KCNIP4: variants seen among roughly 807,000 people sequenced by gnomAD.
KCNIP4 encodes the protein potassium voltage-gated channel interacting protein 4.
KCNIP4 carries 12 observed loss-of-function variants against 34.0 expected under a neutral mutation model. The ratio of observed to expected loss-of-function variants is 0.35; its 90% CI spans 0.23 to 0.57. The LOEUF (loss-of-function observed/expected upper bound fraction) is 0.57. Among genes scored for constraint, KCNIP4 ranks in the 20% least tolerant of loss-of-function variants. The pLI is 0.83. For synonymous variants in KCNIP4, 124 were observed against 102.2 expected (o/e 1.21, Z -1.29); for missense variants, 238 against 311.7 (o/e 0.76, Z 1.78).
chr4:21,644,715 T>C (rs1045926818), intron 1 of KCNIP4, among the ~76,000 whole-genome samples: 1 of 152,194 alleles, frequency 6.6e-6, no homozygotes, highest in Non-Finnish European at 1.5e-5. Flanking sequence ...TAGTAATTTA[T>C]TTATACCTTA....
intron 3 of KCNIP4, among the ~76,000 whole-genome samples, chr4:20,796,687 A>G (rs61538557): frequency 0.082 from 12,512 of 151,914 alleles, 603 homozygotes; most frequent in East Asian, 0.21. Flanking sequence ...TAAACAAAAA[A>G]GATGGAAATA....
At chr4:20,956,624 A>G (rs1440162649) in intron 1 of KCNIP4, among the ~76,000 whole-genome samples, 1 of 152,256 alleles carries the variant, frequency 6.6e-6, no homozygotes, top group African/African-American at 2.4e-5. Flanking sequence ...ATAAAACAAT[A>G]GATTAAAAAT....
chr4:21,819,138 G>A (rs956132944), intron 1 of KCNIP4, among the ~76,000 whole-genome samples: 3 of 152,124 alleles, frequency 2.0e-5, no homozygotes, highest in African/African-American at 7.2e-5. Context: ...TATTTTCTTT[G>A]CACTGATATT....
intron 1 of KCNIP4, among the ~76,000 whole-genome samples, chr4:21,533,049 C>A (rs1208563216): frequency 6.6e-6 from 1 of 151,346 alleles, no homozygotes; most frequent in Non-Finnish European, 1.5e-5. Context: ...CACCTGCCAG[C>A]CAGAACCAAC....
chr4:21,011,483 A>T (rs116050255), intron 1 of KCNIP4, among the ~76,000 whole-genome samples: 1 of 152,228 alleles, frequency 6.6e-6, no homozygotes, highest in East Asian at 1.9e-4. Context: ...TTGGAAAAAT[A>T]GCATTTCAAC....
Position 21,027,365 on chromosome 4 carries a change from G to C in KCNIP4, c.62-144656C>G, listed in dbSNP as rs1740644941. 3.3e-5 allele frequency among the ~76,000 whole-genome samples: 5 copies of C among 152,092 alleles called. No homozygotes were observed. In the South Asian group the frequency reaches 1.0e-3, roughly 32 times the overall value. ...AAGTCTTAAATACTTACTCTCTTGG[G>C]CTTTAAGAAAAACTTCGTCACCCCT... is the stretch of plus-strand genomic sequence containing the variant. On this transcript the variant is annotated intron_variant, in intron 1 of 8. Transcript: ENST00000382152.
At chr4:21,403,900 C>A (rs962407048) in intron 1 of KCNIP4, among the ~76,000 whole-genome samples, 1 of 152,154 alleles carries the variant, frequency 6.6e-6, no homozygotes, top group South Asian at 2.1e-4. Flanking sequence ...GAGCACTAAT[C>A]CCATCCATGA....
At position 21,586,472 on chromosome 4, in the gene KCNIP4, G is replaced by T. The variant is rs561966799; in HGVS notation, c.61+362099C>A. Among the ~76,000 whole-genome samples the T allele has an allele frequency of 1.8e-3, 279 of 152,110 alleles. 2 individuals carry two copies. Among genetic ancestry groups the T allele is most frequent in the African/African-American group, 6.3e-3 (263 of 41,522 alleles). ...TTGGGTGAATGTGGAGGGGATGGGTGTTAGGCGTGTGGGAGCAGCAGTGAG... is the reference window on the plus strand; with the variant it reads ...TTGGGTGAATGTGGAGGGGATGGGTTTTAGGCGTGTGGGAGCAGCAGTGAG... On this transcript the variant is annotated intron_variant, in intron 1 of 8. Transcript: ENST00000382152.
At chr4:21,836,913 A>ATTTT (rs1560750990) in intron 1 of KCNIP4, among the ~76,000 whole-genome samples, 200 of 60,316 alleles carry the variant, frequency 3.3e-3, no homozygotes, top group Middle Eastern at 0.031. Flanking sequence ...AGCTGGGATA[A>ATTTT]ATTTTTTTTT....
intron 3 of KCNIP4, among the ~76,000 whole-genome samples, chr4:20,805,201 T>A (rs916829701): frequency 6.8e-6 from 1 of 146,244 alleles, no homozygotes; most frequent in Non-Finnish European, 1.5e-5. Context: ...TTTTTTTTTT[T>A]TTTTTTTTTT....
chr4:20,927,769 T>C (rs760747369), intron 1 of KCNIP4, among the ~76,000 whole-genome samples: 1 of 152,212 alleles, frequency 6.6e-6, no homozygotes, highest in Non-Finnish European at 1.5e-5. Flanking sequence ...CATAATGTCC[T>C]TATACCATTT....
At chr4:21,813,780 G>A (rs955949164) in intron 1 of KCNIP4, among the ~76,000 whole-genome samples, 4 of 152,140 alleles carry the variant, frequency 2.6e-5, no homozygotes. Context: ...GAGATAGGAA[G>A]TCTCCCCTTT....
intron 1 of KCNIP4, among the ~76,000 whole-genome samples, chr4:21,134,458 A>G (rs867128188): frequency 6.6e-6 from 1 of 152,228 alleles, no homozygotes; most frequent in Non-Finnish European, 1.5e-5. Flanking sequence ...TGTCATTACT[A>G]GTTACGTTTT....
intron 6 of KCNIP4, among the ~76,000 whole-genome samples, chr4:20,733,734 G>T (rs1159414013): frequency 6.6e-6 from 1 of 152,098 alleles, no homozygotes; most frequent in Non-Finnish European, 1.5e-5. Flanking sequence ...CACTATTTAG[G>T]ATATGCTCCA....
chr4:20,755,597 A>G (rs28714128), intron 4 of KCNIP4, among the ~76,000 whole-genome samples: 51,822 of 151,982 alleles, frequency 0.34, 9,303 homozygotes, highest in African/African-American at 0.45. Context: ...AGAAACAACA[A>G]TGGTACAAGT....
At chr4:21,094,203 A>C (rs1312068472) in intron 1 of KCNIP4, among the ~76,000 whole-genome samples, 1 of 152,230 alleles carries the variant, frequency 6.6e-6, no homozygotes, top group Non-Finnish European at 1.5e-5. Context: ...TCTAGTTCAA[A>C]ACAGAACTAA....
intron 1 of KCNIP4, among the ~76,000 whole-genome samples, chr4:21,886,365 T>C (rs1228446596): frequency 1.3e-5 from 2 of 152,264 alleles, no homozygotes; most frequent in Middle Eastern, 3.4e-3. Context: ...CACAAGCATT[T>C]TTCACACTAC....
intron 1 of KCNIP4, among the ~76,000 whole-genome samples, chr4:21,578,702 A>G (rs1740952049): frequency 6.6e-6 from 1 of 152,114 alleles, no homozygotes; most frequent in Non-Finnish European, 1.5e-5. Context: ...TAATGCTAGT[A>G]TTTAATCACA....
chr4:20,772,345 C>T (rs1755973001), intron 3 of KCNIP4, among the ~76,000 whole-genome samples: 2 of 152,128 alleles, frequency 1.3e-5, no homozygotes, highest in Non-Finnish European at 2.9e-5. Flanking sequence ...CGCACAGGAG[C>T]GTAACGGTTA....
Sources: gnomAD v4.1 joint callset for allele counts (sites outside exome capture counted in the v4.1 genomes callset) on GRCh38, gnomAD v4.1.1 for gene constraint, MANE v1.5 for transcripts, NCBI Gene and HGNC (gene_info 2026-07-23, HGNC 2026-07-21) for gene names.